The following XKR4 variants were observed in gnomAD, a reference collection of about 807,000 sequenced individuals.
The protein encoded by XKR4 is XK related 4.
Under a neutral mutation model 53.9 loss-of-function variants are expected in XKR4, and 12 were observed. The ratio of observed to expected loss-of-function variants is 0.22; its 90% confidence interval spans 0.14 to 0.36. The LOEUF is 0.36. Ranked by LOEUF, XKR4 falls within the 10% of genes least tolerant of loss-of-function variation. XKR4 has a pLI of 1.00. For synonymous variants in XKR4, 354 were observed against 362.4 expected, an observed-to-expected ratio of 0.98 and a Z score of 0.26; for missense variants, 799 against 859.5, an observed-to-expected ratio of 0.93 and a Z score of 0.88.
intron 1 of XKR4, among the ~76,000 whole-genome samples, chr8:55,132,738 G>A (rs531496105): frequency 6.6e-6 from 1 of 152,318 alleles, no homozygotes; most frequent in South Asian, 2.1e-4. Context: ...CTGGTGAGGA[G>A]TTCCTAAGTG....
chr8:55,471,974 T>G (rs769253848), intron 2 of XKR4, among the ~76,000 whole-genome samples: 3 of 152,122 alleles, frequency 2.0e-5, no homozygotes, highest in Admixed American at 2.0e-4. Context: ...TATTTCTTGA[T>G]AGCAATGAGA....
At chr8:55,483,772 A>T (rs1214859006) in intron 2 of XKR4, among the ~76,000 whole-genome samples, 1 of 152,148 alleles carries the variant, frequency 6.6e-6, no homozygotes, top group African/African-American at 2.4e-5. Context: ...AAACAAAAAA[A>T]AAAGTAGAAA....
At chr8:55,503,020 G>T (rs1315913966) in intron 2 of XKR4, among the ~76,000 whole-genome samples, 2 of 152,062 alleles carry the variant, frequency 1.3e-5, no homozygotes, top group Non-Finnish European at 2.9e-5. Flanking sequence ...CTATGTGGGG[G>T]TATATTTCTG....
chr8:55,476,900 C>T (rs1022951227), intron 2 of XKR4, among the ~76,000 whole-genome samples: 1 of 152,122 alleles, frequency 6.6e-6, no homozygotes, highest in Non-Finnish European at 1.5e-5. Context: ...CCGGGAAGCT[C>T]GAACTGGGTG....
At chr8:55,246,986 T>C (rs551240102) in intron 1 of XKR4, among the ~76,000 whole-genome samples, 1 of 152,284 alleles carries the variant, frequency 6.6e-6, no homozygotes, top group South Asian at 2.1e-4. Flanking sequence ...TCTTAGTGTC[T>C]GGAGAAGTCA....
intron 1 of XKR4, among the ~76,000 whole-genome samples, chr8:55,305,687 A>G (rs552545173): frequency 1.0e-3 from 156 of 152,320 alleles, no homozygotes; most frequent in Non-Finnish European, 1.8e-3. Context: ...ACAGCACTGT[A>G]TAAATATTAG....
chr8:55,141,567 C>G (rs1175148805), intron 1 of XKR4, among the ~76,000 whole-genome samples: 1 of 151,694 alleles, frequency 6.6e-6, no homozygotes, highest in Non-Finnish European at 1.5e-5. Context: ...AGGGACTTGG[C>G]AGTGGGGGTT....
intron 1 of XKR4, among the ~76,000 whole-genome samples, chr8:55,327,573 A>C (rs1803312137): frequency 6.6e-6 from 1 of 152,222 alleles, no homozygotes; most frequent in African/African-American, 2.4e-5. Flanking sequence ...AATTCTAATT[A>C]TTATAGTTCT....
intron 2 of XKR4, among the ~76,000 whole-genome samples, chr8:55,469,225 G>A (rs1186679040): frequency 2.0e-5 from 3 of 152,012 alleles, no homozygotes; most frequent in Non-Finnish European, 4.4e-5. Context: ...CAACTTTCCT[G>A]ATACGGTAAC....
At chr8:55,493,924 G>T (rs1218511918) in intron 2 of XKR4, among the ~76,000 whole-genome samples, 1 of 152,216 alleles carries the variant, frequency 6.6e-6, no homozygotes, top group Non-Finnish European at 1.5e-5. Context: ...CCATCCATTT[G>T]TTATAGGATT....
intron 1 of XKR4, among the ~76,000 whole-genome samples, chr8:55,108,678 A>C (rs1216368760): frequency 6.6e-6 from 1 of 152,210 alleles, no homozygotes; most frequent in Non-Finnish European, 1.5e-5. Context: ...CTTAGGATAC[A>C]GTGGTTTTTA....
chr8:55,487,534 C>T (rs1806212130), intron 2 of XKR4, among the ~76,000 whole-genome samples: 2 of 151,880 alleles, frequency 1.3e-5, no homozygotes, highest in South Asian at 2.1e-4. Context: ...CGGAACAATC[C>T]TGGCTCACTA....
intron 2 of XKR4, among the ~76,000 whole-genome samples, chr8:55,459,908 C>A (rs2975973): frequency 1.3e-5 from 2 of 151,576 alleles, no homozygotes; most frequent in African/African-American, 4.9e-5. Context: ...GTATGACCCA[C>A]TAATTCCATT....
intron 2 of XKR4, among the ~76,000 whole-genome samples, chr8:55,509,965 C>T (rs987516213): frequency 3.9e-5 from 6 of 152,174 alleles, no homozygotes; most frequent in Non-Finnish European, 7.4e-5. Context: ...TAAAACTCTA[C>T]ACTTTACAAA....
intron 1 of XKR4, among the ~76,000 whole-genome samples, chr8:55,267,730 C>A (rs186605614): frequency 2.5e-4 from 38 of 152,078 alleles, no homozygotes; most frequent in Non-Finnish European, 4.1e-4. Flanking sequence ...AATAATTTTA[C>A]AATTGACAAA....
rs560730152 is a variant in XKR4 at position 55,294,505 on chromosome 8, C to A, written c.807-63173C>A. ...TCGAGGTGGGAGACACTGAGAAAAG[C>A]CTTGGTGCACAGGTTATCATATCTC... On this transcript the variant is annotated intron_variant, in intron 1 of 2. Transcript: ENST00000327381. Among the ~76,000 whole-genome samples the A allele has an allele frequency of 2.6e-5, 4 of 152,190 alleles. No individual in the cohort carries two copies. The South Asian group carries it at 8.3e-4, about 32-fold the overall frequency.
chr8:55,171,551 G>T (rs1384603992), intron 1 of XKR4, among the ~76,000 whole-genome samples: 1 of 152,156 alleles, frequency 6.6e-6, no homozygotes, highest in East Asian at 1.9e-4. Flanking sequence ...CCTCTGGAGA[G>T]TTGCCTAATG....
chr8:55,357,771 G>A lies in XKR4; in HGVS notation c.900G>A (p.Ala300=), dbSNP rs368005853. 2.6e-5 allele frequency: 42 copies of A among 1,614,090 alleles called. No individual in the cohort carries two copies. Among genetic ancestry groups the A allele is most frequent in the East Asian group, 2.0e-4 (9 of 44,896 alleles). ...RFYWKMVYEY[A]DVSMLHLLAT... ...ACTGGAAAATGGTATATGAGTATGC[G>A]GATGTGAGTATGCTGCATTTGCTAG... The change falls in exon 2 of 3, where the codon GCG becomes GCA. Residue 300 remains alanine (A), a synonymous_variant. Transcript: ENST00000327381.
intron 2 of XKR4, among the ~76,000 whole-genome samples, chr8:55,484,096 A>G (rs1411693876): frequency 6.6e-6 from 1 of 152,194 alleles, no homozygotes; most frequent in Non-Finnish European, 1.5e-5. Context: ...AAACGAACCA[A>G]TTCCTTAAAA....
Sources: allele counts gnomAD v4.1 joint callset (sites outside exome capture counted in the v4.1 genomes callset), GRCh38; gene constraint gnomAD v4.1.1; transcripts MANE v1.5; gene names NCBI Gene and HGNC (gene_info 2026-07-23, HGNC 2026-07-21).